The following CRYGN variants were observed in gnomAD, a reference collection of about 807,000 sequenced individuals.
The protein encoded by CRYGN is crystallin gamma N.
CRYGN carries 17 observed loss-of-function variants against 19.2 expected under a neutral mutation model. That is an observed-to-expected ratio of 0.89 (90% confidence interval 0.61 to 1.33). CRYGN has a LOEUF of 1.33. Among genes scored for constraint, CRYGN ranks in the 40% most tolerant of loss-of-function variants. The pLI is 0.00. For missense variants in CRYGN, 239 were observed against 239.6 expected, an observed-to-expected ratio of 1.00 and a Z score of 0.02; for synonymous variants, 84 against 85.8, an observed-to-expected ratio of 0.98 and a Z score of 0.12.
intron 3 of CRYGN, chr7:151,432,427 G>T (rs1801494154): frequency 2.4e-6 from 1 of 418,522 alleles, no homozygotes; most frequent in Non-Finnish European, 4.1e-6. Context: ...AGGCACCCAC[G>T]GTGCCTTCCC....
chr7:151,439,979 G>A lies in CRYGN; in HGVS notation c.-62C>T. The stretch of plus-strand genomic sequence containing the variant: ...CCGGGCAGCGCCCTGCTGGCTCAGC[G>A]CCGCCCCGGACAAAAGATTTGCTGG... On this transcript the variant is annotated 5_prime_UTR_variant, in exon 1 of 4. Transcript: ENST00000337323. The A allele has an allele frequency of 2.1e-6, 3 of 1,459,736 alleles. No homozygotes were observed. Among genetic ancestry groups the A allele is most frequent in the Non-Finnish European group, 1.8e-6 (2 of 1,102,234 alleles). 90.4% of individuals were successfully genotyped at this position (1,459,736 alleles called of 1,614,324 possible).
intron 2 of CRYGN, among the ~76,000 whole-genome samples, chr7:151,437,154 C>A (rs1330228597): frequency 6.6e-6 from 1 of 152,226 alleles, no homozygotes; most frequent in Non-Finnish European, 1.5e-5. Context: ...CAAAGCCCAG[C>A]TGGTTTTGCA....
At chr7:151,437,674 C>T (rs1352279560) in intron 2 of CRYGN, among the ~76,000 whole-genome samples, 2 of 152,200 alleles carry the variant, frequency 1.3e-5, no homozygotes, top group Non-Finnish European at 2.9e-5. Context: ...CGGAGTGTCC[C>T]CTATCTGGCT....
At chr7:151,432,997 C>T (rs1339197124) in intron 3 of CRYGN, among the ~76,000 whole-genome samples, 1 of 152,242 alleles carries the variant, frequency 6.6e-6, no homozygotes, top group African/African-American at 2.4e-5. Flanking sequence ...TTCCTGCCCC[C>T]TCCTGCCCTC....
Position 151,430,726 on chromosome 7 carries a change from GC to G in CRYGN, c.417-547del, listed in dbSNP as rs775821462. On this transcript the variant is annotated intron_variant, in intron 3 of 3. Coordinates refer to ENST00000337323, the MANE Select transcript of CRYGN (RefSeq NM_144727.3). This position sits in a 1 kb window ranked among gnomAD's most constrained non-coding sequence, Gnocchi z 5.2. ...CTCGGAGTCCTGAGCTGGGCGACCA[GC>G]CTAGAGGGGCTGATCCCCAGTCCAA... Among the ~76,000 whole-genome samples, 1 of 152,322 alleles carries G rather than the reference GC, an allele frequency of 6.6e-6. No homozygotes were observed. Among genetic ancestry groups the G allele is most frequent in the South Asian group, 2.1e-4 (1 of 4,832 alleles).
Position 151,436,359 on chromosome 7 carries a change from AGGTTG to A in CRYGN, c.271-39_271-35del. 2 of 1,475,008 alleles carry A rather than the reference AGGTTG, an allele frequency of 1.4e-6. No individual in the cohort carries two copies. Among genetic ancestry groups the A allele is most frequent in the African/African-American group, 1.4e-5 (1 of 69,898 alleles). The allele number at this position is 1,475,008 out of a possible 1,614,324, so 91.4% of individuals were successfully genotyped here. On this transcript the variant is annotated intron_variant, in intron 2 of 3. Coordinates refer to ENST00000337323, the MANE Select transcript of CRYGN (RefSeq NM_144727.3). The surrounding 1 kb of genome is among the most constrained non-coding windows in gnomAD (Gnocchi z 5.1). The stretch of plus-strand genomic sequence containing the variant: ...CCAAGCAAAAAAGAAGGAAAGAAGG[AGGTTG>A]CTGTGAATTCCCCTCTCCCAGAAAC...
intron 2 of CRYGN, chr7:151,437,017 T>C (rs1186352938): frequency 1.3e-5 from 2 of 152,152 alleles, no homozygotes; most frequent in Non-Finnish European, 2.9e-5. Flanking sequence ...GTTCGCAAGA[T>C]ACCAAGGATG....
At chr7:151,432,383 C>A in intron 3 of CRYGN, 1 of 641,504 alleles carries the variant, frequency 1.6e-6, no homozygotes, top group South Asian at 8.0e-5. Context: ...CAACCCCTCC[C>A]GGTCGAGCGG....
rs575250692 is a variant in CRYGN, at chr7:151,430,302, G to A, written c.417-122C>T. 378 of 943,768 alleles carry A rather than the reference G, an allele frequency of 4.0e-4. 1 individual carries two copies. Among genetic ancestry groups the A allele is most frequent in the South Asian group, 8.6e-4 (52 of 60,264 alleles). 58.5% of individuals were successfully genotyped at this position (943,768 alleles called of 1,614,324 possible). On this transcript the variant is annotated intron_variant, in intron 3 of 3. Coordinates refer to ENST00000337323, the MANE Select transcript of CRYGN (RefSeq NM_144727.3). This position sits in a 1 kb window ranked among gnomAD's most constrained non-coding sequence, Gnocchi z 5.2. ...TTCCCCTTTCCTGGGCGGAGTGGAC[G>A]GTTGCCTAGTGGTTTCATGTCTTCA...
In CRYGN at chr7:151,440,140, T is replaced by G; in HGVS notation, c.-223A>C. The G allele has an allele frequency of 7.5e-7, 1 of 1,325,922 alleles. No individual in the cohort carries two copies. Among genetic ancestry groups the G allele is most frequent in the South Asian group, 2.0e-5 (1 of 50,906 alleles). The allele number at this position is 1,325,922 out of a possible 1,614,324, so 82.1% of individuals were successfully genotyped here. On this transcript the variant is annotated 5_prime_UTR_variant, in exon 1 of 4. Transcript: ENST00000337323. ...CGGGGTCTCCCTGTGCTCTCCGCGT[T>G]TAGCTCCCGAGCCTCCTTCCTCCCT...
intron 3 of CRYGN, among the ~76,000 whole-genome samples, chr7:151,432,959 C>G (rs1245753068): frequency 6.6e-6 from 1 of 152,190 alleles, no homozygotes; most frequent in East Asian, 1.9e-4. Flanking sequence ...GTGTCAGGTA[C>G]CAGAGGTGCC....
At chr7:151,439,379 G>A (rs756193060) in intron 1 of CRYGN, among the ~76,000 whole-genome samples, 1 of 152,182 alleles carries the variant, frequency 6.6e-6, no homozygotes, top group Admixed American at 6.5e-5. Context: ...GGGCGAGGGA[G>A]AGCCAGGTCT....
chr7:151,438,118 C>T lies in CRYGN; in HGVS notation c.148G>A (p.Val50Ile). ...CGGAAGTCGGGGTGATTGAAGCAGA[C>T]CCAGGCTCCGCTCTCCACGTGGATG... ...NSIHVESGAW[V>I]CFNHPDFRGQ... is the part of the protein sequence containing the mutation. Residue 50 changes from valine to isoleucine, a missense_variant, in exon 2 of 4, where the codon GTC becomes ATC. Coordinates refer to ENST00000337323, the MANE Select transcript of CRYGN (RefSeq NM_144727.3). 1 of 1,614,182 alleles carries T rather than the reference C, an allele frequency of 6.2e-7. No homozygotes were observed. Among genetic ancestry groups the T allele is most frequent in the South Asian group, 1.1e-5 (1 of 91,078 alleles).
In CRYGN at chr7:151,436,360, GGTT is replaced by G; in HGVS notation, c.271-38_271-36del. 11 of 1,397,240 alleles carry G rather than the reference GGTT, an allele frequency of 7.9e-6. No homozygotes were observed. The highest frequency in any genetic ancestry group is 1.5e-5 in the South Asian group (1 of 67,830). 86.6% of individuals were successfully genotyped at this position (1,397,240 alleles called of 1,614,324 possible). On this transcript the variant is annotated intron_variant, in intron 2 of 3. Transcript: ENST00000337323. The surrounding 1 kb of genome is among the most constrained non-coding windows in gnomAD (Gnocchi z 5.1). ...CAAGCAAAAAAGAAGGAAAGAAGGA[GGTT>G]GCTGTGAATTCCCCTCTCCCAGAAA...
intron 1 of CRYGN, among the ~76,000 whole-genome samples, chr7:151,439,636 A>G (rs1277599756): frequency 6.6e-6 from 1 of 152,136 alleles, no homozygotes; most frequent in East Asian, 1.9e-4. Flanking sequence ...AGCCCCAGGG[A>G]GTCTGAACAC....
upstream of CRYGN, chr7:151,440,298 C>G (rs1801733373): frequency 3.2e-6 from 1 of 312,804 alleles, no homozygotes; most frequent in Admixed American, 5.2e-5. Context: ...CATCTCCCTC[C>G]CTCCCAAGGC....
Position 151,433,378 on chromosome 7 carries a change from C to T in CRYGN, c.416+2802G>A, listed in dbSNP as rs1466938390. On this transcript the variant is annotated intron_variant, in intron 3 of 3. Transcript: ENST00000337323. This position sits in a 1 kb window ranked among gnomAD's most constrained non-coding sequence, Gnocchi z 5.1. ...AAAGGGGCATGTGGTCCAAGGAAGA[C>T]ACCTCAGGACAGCTCGGAGCAGGGG... The T allele has an allele frequency of 6.5e-6, 1 of 153,044 alleles. No homozygotes were observed. The highest frequency in any genetic ancestry group is 2.4e-5 in the African/African-American group (1 of 41,454). 9.5% of individuals were successfully genotyped at this position (153,044 alleles called of 1,614,324 possible). A position where few individuals can be genotyped will look rare whatever the true frequency, so the allele number is the denominator to read the frequency against.
intron 2 of CRYGN, among the ~76,000 whole-genome samples, chr7:151,437,180 A>C (rs924700205): frequency 2.0e-5 from 3 of 152,238 alleles, no homozygotes; most frequent in Admixed American, 6.5e-5. Context: ...TACAGAAAAG[A>C]GAGGGGGCAC....
In CRYGN at chr7:151,433,158, C is replaced by G. The variant is rs71539880; in HGVS notation, c.417-2978G>C. Among the ~76,000 whole-genome samples, 15,907 of 152,256 alleles carry G rather than the reference C, an allele frequency of 0.1. 1,311 individuals are homozygous for G. The highest frequency in any genetic ancestry group is 0.41 in the East Asian group (2,105 of 5,166). Reference sequence around the variant, plus strand: ...ACCACTGGGGCAGCCACCAACAACCCAGAGAGCAGAAACAGTCAGGACAAG... The same window carrying G: ...ACCACTGGGGCAGCCACCAACAACCGAGAGAGCAGAAACAGTCAGGACAAG... On this transcript the variant is annotated intron_variant, in intron 3 of 3. Transcript: ENST00000337323. The surrounding 1 kb of genome is among the most constrained non-coding windows in gnomAD (Gnocchi z 5.1).
Sources: allele counts gnomAD v4.1 joint callset (sites outside exome capture counted in the v4.1 genomes callset), GRCh38; gene constraint gnomAD v4.1.1; non-coding constraint Gnocchi (gnomAD v3.1); transcripts MANE v1.5; gene names NCBI Gene and HGNC (gene_info 2026-07-23, HGNC 2026-07-21).